The following FGF13 variants were observed in gnomAD, a reference collection of about 807,000 sequenced individuals.
The protein encoded by FGF13 is fibroblast growth factor 13.
A neutral mutation model predicts 19.5 loss-of-function variants in FGF13; 2 were observed. The ratio of observed to expected loss-of-function variants is 0.10; its 90% CI spans 0.04 to 0.32. FGF13 has a LOEUF of 0.32. FGF13 is among the 10% of genes least tolerant of loss of function. The pLI is 1.00. For synonymous variants in FGF13, 72 were observed against 76.9 expected (o/e 0.94, Z 0.33); for missense variants, 113 against 192.7 (o/e 0.59, Z 2.45).
chrX:139,042,064 A>C (rs953858808), intron 1 of FGF13, among the ~76,000 whole-genome samples: 1 of 112,607 alleles, frequency 8.9e-6, no homozygotes, highest in Non-Finnish European at 1.9e-5. Flanking sequence ...GGTATTTGAC[A>C]ATACTGGGCT....
chrX:138,683,041 T>C (rs2089744481), intron 3 of FGF13, among the ~76,000 whole-genome samples: 1 of 111,276 alleles, frequency 9.0e-6, no homozygotes, highest in Admixed American at 9.6e-5. Flanking sequence ...ATAAAAAATG[T>C]TGATATTTAG....
At chrX:138,772,882 T>C (rs1401097699) in intron 3 of FGF13, among the ~76,000 whole-genome samples, 2 of 110,557 alleles carry the variant, frequency 1.8e-5, no homozygotes, top group Non-Finnish European at 3.8e-5. Context: ...TCTGGACAAG[T>C]ATCATTCATT....
chrX:138,865,295 C>T (rs1326819300), intron 1 of FGF13, among the ~76,000 whole-genome samples: 2 of 111,991 alleles, frequency 1.8e-5, no homozygotes, highest in African/African-American at 3.2e-5. Flanking sequence ...TCAATTAAAA[C>T]AGAAACACCT....
At position 138,837,345 on chromosome X, in the gene FGF13, G is replaced by A. The variant is rs534261480; in HGVS notation, c.217+20167C>T. 7.2e-5 allele frequency among the ~76,000 whole-genome samples: 8 copies of A among 111,602 alleles called. No individual in the cohort carries two copies. In the South Asian group the frequency reaches 2.6e-3, roughly 37 times the overall value. On this transcript the variant is annotated intron_variant, in intron 3 of 6. Coordinates refer to the FGF13 transcript ENST00000436198. ...GCTGCATCCCAGGGAGAGCTGAGAC[G>A]TCTGTCAGCCAGAGAACACCATTAG...
chrX:139,123,274 G>T (rs2083691215), intron 1 of FGF13, among the ~76,000 whole-genome samples: 1 of 111,384 alleles, frequency 9.0e-6, no homozygotes, highest in Non-Finnish European at 1.9e-5. Context: ...CCTTCTAAAA[G>T]CTTCTTATTG....
intron 1 of FGF13, among the ~76,000 whole-genome samples, chrX:139,026,640 C>T (rs2092202180): frequency 1.8e-5 from 2 of 111,549 alleles, no homozygotes; most frequent in African/African-American, 6.5e-5. Flanking sequence ...TGGTGGGAAA[C>T]CCTGTGGCTT....
In FGF13 at chrX:138,974,822, T is replaced by C. The variant is rs372678787; in HGVS notation, c.-112-110172A>G. Among the ~76,000 whole-genome samples, 84 of 112,805 alleles carry C rather than the reference T, an allele frequency of 7.4e-4. 2 individuals are homozygous for C. In the South Asian group the frequency reaches 0.03, roughly 40 times the overall value. On this transcript the variant is annotated intron_variant, in intron 1 of 2. Transcript: ENST00000421460. The stretch of plus-strand genomic sequence containing the variant: ...CTATGGATTGGCATCAGCATGGTGC[T>C]AAGCAATGGAGAAGACACAGAGATG...
chrX:139,190,968 A>T, intron 1 of FGF13, among the ~76,000 whole-genome samples: 1 of 111,946 alleles, frequency 8.9e-6, no homozygotes, highest in Non-Finnish European at 1.9e-5. Flanking sequence ...TGCTATTAAA[A>T]GAAAAACTTT....
intron 1 of FGF13, among the ~76,000 whole-genome samples, chrX:139,097,852 G>T (rs768721849): frequency 1.8e-5 from 2 of 111,871 alleles, no homozygotes; most frequent in Non-Finnish European, 3.8e-5. Context: ...TAGAATAAAA[G>T]AATGTTACAA....
intron 3 of FGF13, among the ~76,000 whole-genome samples, chrX:138,667,231 A>G (rs940516488): frequency 7.5e-5 from 8 of 107,275 alleles, no homozygotes; most frequent in African/African-American, 2.7e-4. Context: ...ATATACATAT[A>G]TATTACATAA....
At chrX:138,799,220 C>A (rs2090807655) in intron 3 of FGF13, among the ~76,000 whole-genome samples, 1 of 111,930 alleles carries the variant, frequency 8.9e-6, no homozygotes, top group Non-Finnish European at 1.9e-5. Context: ...TCCCTCTTAA[C>A]ACTGCTTTAG....
chrX:139,179,572 T>C (rs766559046), intron 1 of FGF13, among the ~76,000 whole-genome samples: 1 of 111,754 alleles, frequency 8.9e-6, no homozygotes, highest in Admixed American at 9.5e-5. Flanking sequence ...ACTAAACTCA[T>C]AATCTCACTT....
At chrX:139,181,558 A>G (rs778714881) in intron 1 of FGF13, among the ~76,000 whole-genome samples, 54 of 112,460 alleles carry the variant, frequency 4.8e-4, no homozygotes, top group Middle Eastern at 4.6e-3. Context: ...GAAGGAAATG[A>G]ACACAAGGAA....
chrX:138,787,227 G>A (rs758714982), intron 3 of FGF13, among the ~76,000 whole-genome samples: 12 of 112,816 alleles, frequency 1.1e-4, no homozygotes, highest in African/African-American at 3.9e-4. Context: ...GCCAGATGGG[G>A]CTGTGGAAGC....
chrX:138,719,761 T>C (rs2090134828), intron 1 of FGF13, among the ~76,000 whole-genome samples: 1 of 112,735 alleles, frequency 8.9e-6, no homozygotes, highest in Non-Finnish European at 1.9e-5. Flanking sequence ...CCAATATCTA[T>C]TCTAGCTAAT....
chrX:139,061,445 C>T (rs997883551), intron 1 of FGF13, among the ~76,000 whole-genome samples: 2 of 110,876 alleles, frequency 1.8e-5, no homozygotes, highest in East Asian at 2.9e-4. Context: ...TGTTATAAAG[C>T]GAGGTCACTC....
intron 1 of FGF13, among the ~76,000 whole-genome samples, chrX:139,089,835 G>C (rs926485447): frequency 9.0e-6 from 1 of 111,434 alleles, no homozygotes; most frequent in Non-Finnish European, 1.9e-5. Flanking sequence ...CATCATCTTT[G>C]TGACCATCAT....
chrX:138,985,714 T>G (rs1173925778), intron 1 of FGF13, among the ~76,000 whole-genome samples: 1 of 111,984 alleles, frequency 8.9e-6, no homozygotes, highest in Middle Eastern at 4.2e-3. Flanking sequence ...TCACTTAGTC[T>G]TAAAGAAATG....
At chrX:138,762,349 A>G (rs763648603) in intron 3 of FGF13, among the ~76,000 whole-genome samples, 1 of 112,016 alleles carries the variant, frequency 8.9e-6, no homozygotes, top group Admixed American at 9.5e-5. Context: ...GCCCTAGCAT[A>G]TATAATAAAT....
Sources: gnomAD v4.1 joint callset for allele counts (sites outside exome capture counted in the v4.1 genomes callset) on GRCh38, gnomAD v4.1.1 for gene constraint, MANE v1.5 for transcripts, NCBI Gene and HGNC (gene_info 2026-07-23, HGNC 2026-07-21) for gene names.